The following ANO3 variants were observed in gnomAD, a reference collection of about 807,000 sequenced individuals.
ANO3 encodes the protein anoctamin-3.
A neutral mutation model predicts 144.8 loss-of-function variants in ANO3; 99 were observed. The observed-to-expected ratio is 0.68, with a 90% confidence interval of 0.58 to 0.81. ANO3 has a LOEUF of 0.81. ANO3 is among the 30% of genes least tolerant of loss of function. ANO3 has a pLI of 0.00. For missense variants in ANO3, 905 were observed against 1,202.2 expected (o/e 0.75, Z 3.66); for synonymous variants, 414 against 392.6 (o/e 1.05, Z -0.64).
At chr11:26,368,228 G>C (rs1288432135) in intron 1 of ANO3, among the ~76,000 whole-genome samples, 2 of 152,162 alleles carry the variant, frequency 1.3e-5, no homozygotes, top group East Asian at 1.9e-4. Flanking sequence ...CAAAAGTGCT[G>C]AGAGAGCTCT....
intron 14 of ANO3, among the ~76,000 whole-genome samples, chr11:26,586,011 C>A (rs1384755391): frequency 6.6e-6 from 1 of 152,042 alleles, no homozygotes; most frequent in Admixed American, 6.5e-5. Flanking sequence ...CCTGGCTTGA[C>A]CTTATAGTTT....
intron 1 of ANO3, among the ~76,000 whole-genome samples, chr11:26,239,650 T>G (rs1852615572): frequency 6.6e-6 from 1 of 152,190 alleles, no homozygotes; most frequent in African/African-American, 2.4e-5. Context: ...TTTTGCTTCC[T>G]TATTAACACC....
chr11:26,371,373 G>A (rs532619645), intron 1 of ANO3, among the ~76,000 whole-genome samples: 21 of 152,362 alleles, frequency 1.4e-4, no homozygotes, highest in African/African-American at 5.0e-4. Flanking sequence ...TGTCCAGGCA[G>A]AAGTTTGCTG....
At chr11:26,281,271 C>A (rs1486754277) in intron 1 of ANO3, among the ~76,000 whole-genome samples, 1 of 152,076 alleles carries the variant, frequency 6.6e-6, no homozygotes, top group Non-Finnish European at 1.5e-5. Context: ...ATAGTTGGCA[C>A]ACAATTTCTG....
At chr11:26,233,059 A>G (rs1457576477) in intron 1 of ANO3, among the ~76,000 whole-genome samples, 1 of 152,018 alleles carries the variant, frequency 6.6e-6, no homozygotes, top group East Asian at 1.9e-4. Context: ...TACTAAAAAT[A>G]CAAAAAAATT....
At chr11:26,513,964 C>T (rs1861764383) in intron 5 of ANO3, among the ~76,000 whole-genome samples, 1 of 151,758 alleles carries the variant, frequency 6.6e-6, no homozygotes, top group African/African-American at 2.4e-5. Context: ...CTTGAATAAC[C>T]TCTGAATAAG....
chr11:26,551,233 T>A (rs1028977417), intron 12 of ANO3, among the ~76,000 whole-genome samples: 10 of 151,974 alleles, frequency 6.6e-5, no homozygotes, highest in Admixed American at 6.6e-4. Context: ...TTATCTTTAA[T>A]TGGTAGTAAT....
At chr11:26,358,988 A>G (rs1855856234) in intron 1 of ANO3, among the ~76,000 whole-genome samples, 1 of 152,176 alleles carries the variant, frequency 6.6e-6, no homozygotes, top group Non-Finnish European at 1.5e-5. Flanking sequence ...GGTGGAGTAC[A>G]GTTATAACTA....
chr11:26,554,859 C>A (rs1282070703), intron 13 of ANO3, among the ~76,000 whole-genome samples: 1 of 152,072 alleles, frequency 6.6e-6, no homozygotes, highest in Non-Finnish European at 1.5e-5. Flanking sequence ...GGGATCATTG[C>A]CCTTTTTTGC....
chr11:26,457,550 G>A (rs1372653217), intron 3 of ANO3, among the ~76,000 whole-genome samples: 1 of 152,034 alleles, frequency 6.6e-6, no homozygotes, highest in Admixed American at 6.6e-5. Flanking sequence ...ATGTGTTTGA[G>A]TAACTGTGTA....
intron 16 of ANO3, 134 bp from the exon 17 acceptor site, chr11:26,599,416 T>A: frequency 1.1e-6 from 1 of 944,250 alleles, no homozygotes; most frequent in Non-Finnish European, 1.6e-6. Context: ...AAGGAGAAAA[T>A]TAAATCTAGA....
chr11:26,259,628 C>T (rs1248969000), intron 1 of ANO3, among the ~76,000 whole-genome samples: 1 of 151,358 alleles, frequency 6.6e-6, no homozygotes, highest in Non-Finnish European at 1.5e-5. Context: ...GAGATCATGC[C>T]ACTGCACTCC....
chr11:26,658,908 T>G (rs560416343), intron 26 of ANO3, among the ~76,000 whole-genome samples: 4 of 152,256 alleles, frequency 2.6e-5, no homozygotes, highest in East Asian at 3.9e-4. Flanking sequence ...AAGAATCCAT[T>G]AGGAATGTAT....
chr11:26,576,105 T>A (rs1350031958), intron 14 of ANO3, among the ~76,000 whole-genome samples: 2 of 152,170 alleles, frequency 1.3e-5, no homozygotes, highest in Non-Finnish European at 2.9e-5. Context: ...TTCTCCAGAT[T>A]TATAATCACC....
rs114828690 is a variant in ANO3 at position 26,639,499 on chromosome 11, G to C, written c.2141+258G>C. On this transcript the variant is annotated intron_variant, in intron 21 of 26. Coordinates refer to ENST00000256737, the MANE Select transcript of ANO3 (RefSeq NM_031418.4). Reference sequence around the variant, plus strand: ...CAGAATAATGAATGTAGAGTAACTTGTTTAATGCATTAAGACACTTGTTAC... The same window carrying C: ...CAGAATAATGAATGTAGAGTAACTTCTTTAATGCATTAAGACACTTGTTAC... Among the ~76,000 whole-genome samples the C allele has an allele frequency of 0.012, 1,775 of 152,254 alleles. 44 individuals are homozygous for C. The highest frequency in any genetic ancestry group is 0.041 in the African/African-American group (1,689 of 41,516).
chr11:26,309,632 TTC>T (rs1382494386), exon 1 of ANO3: 2 of 984,762 alleles, frequency 2.0e-6, no homozygotes, highest in East Asian at 1.1e-4. Context: ...TTCTCTTTTG[TTC>T]TCTCTCACAG....
intron 1 of ANO3, among the ~76,000 whole-genome samples, chr11:26,266,536 C>T (rs1318302134): frequency 3.3e-5 from 5 of 150,442 alleles, no homozygotes; most frequent in African/African-American, 9.8e-5. Flanking sequence ...CGGGTTCAAG[C>T]GATTCTCCTG....
chr11:26,418,704 G>C (rs936524543), intron 1 of ANO3, among the ~76,000 whole-genome samples: 1 of 151,356 alleles, frequency 6.6e-6, no homozygotes, highest in East Asian at 1.9e-4. Context: ...AAACAAACAA[G>C]CGCGCGCGCG....
At chr11:26,618,188 T>C (rs1366541175) in intron 17 of ANO3, among the ~76,000 whole-genome samples, 1 of 152,142 alleles carries the variant, frequency 6.6e-6, no homozygotes, top group Non-Finnish European at 1.5e-5. Context: ...TTATAAAATA[T>C]AGGCATAGAA....
Sources: allele counts gnomAD v4.1 joint callset (sites outside exome capture counted in the v4.1 genomes callset), GRCh38; gene constraint gnomAD v4.1.1; transcripts MANE v1.5; gene names NCBI Gene and HGNC (gene_info 2026-07-23, HGNC 2026-07-21).